The following UNC5D variants were observed in gnomAD, a reference collection of about 807,000 sequenced individuals.
UNC5D encodes unc-5 netrin receptor D.
A neutral mutation model predicts 105.4 loss-of-function variants in UNC5D; 39 were observed. The observed-to-expected ratio is 0.37, with a 90% confidence interval of 0.29 to 0.48. The LOEUF (loss-of-function observed/expected upper bound fraction) is 0.48, where lower values mean the gene tolerates loss of function less well. UNC5D is among the 20% of genes least tolerant of loss of function. The pLI, the probability that UNC5D is intolerant of heterozygous loss-of-function variation, is 0.98. For synonymous variants in UNC5D, 452 were observed against 450.4 expected, an observed-to-expected ratio of 1.00 and a Z score of -0.04; for missense variants, 991 against 1,202.4, an observed-to-expected ratio of 0.82 and a Z score of 2.60.
intron 16 of UNC5D, 21 bp downstream of exon 16, chr8:35,774,498 G>C: frequency 6.2e-7 from 1 of 1,612,916 alleles, no homozygotes; most frequent in Non-Finnish European, 8.5e-7. Flanking sequence ...ACAGCTTCTG[G>C]AAGACGATGT....
chr8:35,287,941 A>C (rs1274496436), intron 1 of UNC5D, among the ~76,000 whole-genome samples: 1 of 152,214 alleles, frequency 6.6e-6, no homozygotes, highest in African/African-American at 2.4e-5. Context: ...AATATAAAAG[A>C]GTGAAGAAGG....
intron 3 of UNC5D, among the ~76,000 whole-genome samples, chr8:35,593,056 C>CAT: frequency 6.6e-6 from 1 of 150,460 alleles, no homozygotes; most frequent in African/African-American, 2.5e-5. Context: ...TACACACACA[C>CAT]ACACACACAC....
chr8:35,512,254 G>T (rs1812760434), intron 1 of UNC5D, among the ~76,000 whole-genome samples: 1 of 151,378 alleles, frequency 6.6e-6, no homozygotes, highest in Non-Finnish European at 1.5e-5. Context: ...GGATGCAGTG[G>T]CTCATGCCTG....
intron 2 of UNC5D, among the ~76,000 whole-genome samples, chr8:35,555,807 A>C (rs1336684917): frequency 1.3e-5 from 2 of 151,048 alleles, no homozygotes; most frequent in Non-Finnish European, 2.9e-5. Context: ...GCCTGCCAAC[A>C]GAGCAAGACT....
chr8:35,366,951 A>G (rs566468264), intron 1 of UNC5D, among the ~76,000 whole-genome samples: 7 of 152,196 alleles, frequency 4.6e-5, no homozygotes, highest in African/African-American at 9.6e-5. Context: ...TACAACTCCA[A>G]GTGGGATACG....
intron 7 of UNC5D, among the ~76,000 whole-genome samples, chr8:35,693,733 T>C (rs953808643): frequency 2.0e-5 from 3 of 152,076 alleles, no homozygotes; most frequent in East Asian, 3.9e-4. Flanking sequence ...GCTACCCACT[T>C]TTTCCCCCCA....
chr8:35,567,990 A>C (rs1017229358), intron 2 of UNC5D, 108 bp from the exon 3 acceptor site: 18 of 1,491,862 alleles, frequency 1.2e-5, no homozygotes, highest in Non-Finnish European at 1.4e-5. Context: ...TGCCTTGATT[A>C]AAAACAGGAT....
intron 8 of UNC5D, among the ~76,000 whole-genome samples, chr8:35,706,170 T>A (rs1046593795): frequency 1.3e-5 from 2 of 152,176 alleles, no homozygotes; most frequent in African/African-American, 4.8e-5. Flanking sequence ...TAAAAATAAA[T>A]CGCTCCTCTT....
Position 35,463,756 on chromosome 8 carries a change from A to G in UNC5D, c.104-85536A>G, listed in dbSNP as rs1159062112. Reference sequence around the variant, plus strand: ...AGCTCTGATTGTGACACTGCACTGCACTCCAGCCTGGGCAACAGAGCAATA... The same window carrying G: ...AGCTCTGATTGTGACACTGCACTGCGCTCCAGCCTGGGCAACAGAGCAATA... On this transcript the variant is annotated intron_variant, in intron 1 of 16. Coordinates refer to ENST00000404895, the MANE Select transcript of UNC5D (RefSeq NM_080872.4). 2.7e-5 allele frequency among the ~76,000 whole-genome samples: 4 copies of G among 150,914 alleles called. No homozygotes were observed. In the Admixed American group the frequency reaches 2.7e-4, roughly 10 times the overall value.
At chr8:35,740,280 C>T (rs1829693055) in intron 11 of UNC5D, among the ~76,000 whole-genome samples, 1 of 152,186 alleles carries the variant, frequency 6.6e-6, no homozygotes, top group Non-Finnish European at 1.5e-5. Flanking sequence ...ATCCTGGACT[C>T]TCCAAGTTTA....
chr8:35,354,843 T>A lies in UNC5D; in HGVS notation c.103+118956T>A, dbSNP rs554391990. Among the ~76,000 whole-genome samples the A allele has an allele frequency of 2.0e-5, 3 of 152,266 alleles. No individual in the cohort carries two copies. In the South Asian group the frequency reaches 6.2e-4, roughly 32 times the overall value. On this transcript the variant is annotated intron_variant, in intron 1 of 16. Transcript: ENST00000404895. Reference sequence around the variant, plus strand: ...GGGGCTGGAAGACCCACTTGTAAGATGTCGTCTTCACTCACATGTGCAGCA... The same window carrying A: ...GGGGCTGGAAGACCCACTTGTAAGAAGTCGTCTTCACTCACATGTGCAGCA...
intron 8 of UNC5D, among the ~76,000 whole-genome samples, chr8:35,713,394 GCT>G (rs1278086177): frequency 1.3e-5 from 2 of 152,124 alleles, no homozygotes; most frequent in African/African-American, 4.8e-5. Context: ...TTCAAATTCT[GCT>G]CTTTTTGACT....
At chr8:35,680,406 T>C (rs1401611193) in intron 4 of UNC5D, among the ~76,000 whole-genome samples, 1 of 152,180 alleles carries the variant, frequency 6.6e-6, no homozygotes, top group Non-Finnish European at 1.5e-5. Flanking sequence ...TTAATTGTCA[T>C]GTGTTTTGTG....
intron 1 of UNC5D, among the ~76,000 whole-genome samples, chr8:35,466,610 C>T (rs939186021): frequency 5.9e-5 from 9 of 152,102 alleles, no homozygotes; most frequent in Admixed American, 3.9e-4. Context: ...TCCCATGAGA[C>T]TATTTCTCAT....
intron 1 of UNC5D, among the ~76,000 whole-genome samples, chr8:35,361,920 T>C (rs78035127): frequency 0.015 from 2,324 of 152,266 alleles, 67 homozygotes; most frequent in African/African-American, 0.054. Flanking sequence ...GGTACACATC[T>C]TTTCATTTTA....
intron 1 of UNC5D, among the ~76,000 whole-genome samples, chr8:35,328,612 T>G (rs1810360822): frequency 6.6e-6 from 1 of 152,202 alleles, no homozygotes; most frequent in Non-Finnish European, 1.5e-5. Context: ...TTGTTGGTAT[T>G]GGGTCTCCTG....
At chr8:35,519,319 A>G (rs1813305178) in intron 1 of UNC5D, among the ~76,000 whole-genome samples, 1 of 152,146 alleles carries the variant, frequency 6.6e-6, no homozygotes, top group South Asian at 2.1e-4. Context: ...TTCTGTACTT[A>G]TGCATACATA....
intron 3 of UNC5D, among the ~76,000 whole-genome samples, chr8:35,590,767 C>A (rs907227107): frequency 3.3e-5 from 5 of 152,118 alleles, no homozygotes; most frequent in Non-Finnish European, 7.3e-5. Flanking sequence ...ATTGAGGATA[C>A]TTACTGAGTC....
intron 3 of UNC5D, among the ~76,000 whole-genome samples, chr8:35,591,312 A>C (rs1043120719): frequency 6.6e-6 from 1 of 152,182 alleles, no homozygotes; most frequent in Non-Finnish European, 1.5e-5. Flanking sequence ...TACATAAAAA[A>C]TATAGGAAAT....
Sources: allele counts gnomAD v4.1 joint callset (sites outside exome capture counted in the v4.1 genomes callset), GRCh38; gene constraint gnomAD v4.1.1; transcripts MANE v1.5; gene names NCBI Gene and HGNC (gene_info 2026-07-23, HGNC 2026-07-21).